CATSPERG: variants seen among roughly 807,000 people sequenced by gnomAD.
The protein encoded by CATSPERG is catsper channel auxiliary subunit gamma.
CATSPERG carries 115 observed loss-of-function variants against 145.0 expected under a neutral mutation model. The ratio of observed to expected loss-of-function variants is 0.79; its 90% CI spans 0.68 to 0.93. The LOEUF is 0.93. Among genes scored for constraint, CATSPERG ranks in the 40% least tolerant of loss-of-function variants. CATSPERG has a pLI of 0.00. For missense variants in CATSPERG, 1,296 were observed against 1,490.1 expected (o/e 0.87, Z 2.14); for synonymous variants, 588 against 589.0 (o/e 1.00, Z 0.02).
intron 8 of CATSPERG, among the ~76,000 whole-genome samples, chr19:38,352,791 G>C (rs764770078): frequency 1.3e-5 from 2 of 151,358 alleles, no homozygotes; most frequent in African/African-American, 2.4e-5. Flanking sequence ...CAGAGGGAGA[G>C]GGGCATGGCA....
chr19:38,366,172 G>C (rs1430511963), intron 22 of CATSPERG: 1 of 152,338 alleles, frequency 6.6e-6, no homozygotes, highest in East Asian at 1.9e-4. Context: ...GCCCGGGGCA[G>C]ACACTGAGGC....
intron 6 of CATSPERG, 67 bp downstream of exon 6, chr19:38,344,435 C>A: frequency 1.5e-6 from 2 of 1,378,414 alleles, no homozygotes; most frequent in South Asian, 2.5e-5. Context: ...GGTTACTTCC[C>A]AGACAAGCAG....
intron 23 of CATSPERG, 57 bp downstream of exon 23, chr19:38,367,369 T>G: frequency 6.3e-7 from 1 of 1,583,654 alleles, no homozygotes. Context: ...CCCACTACTT[T>G]GTGCTCTCCC....
rs554835553 is a variant in CATSPERG, at chr19:38,359,918, T to C, written c.1608+337T>C. ...GATCAGGGCTGCAATGGGGAAAATA[T>C]TACCTATGGAAGCAGGGGGACCTGG... is the stretch of plus-strand genomic sequence containing the variant. On this transcript the variant is annotated intron_variant, in intron 14 of 28. Coordinates refer to ENST00000409235, the MANE Select transcript of CATSPERG (RefSeq NM_021185.5). The C allele has an allele frequency of 3.7e-5, 38 of 1,034,256 alleles. No individual in the cohort carries two copies. The South Asian group carries it at 1.2e-3, about 31-fold the overall frequency. 64.1% of individuals were successfully genotyped at this position (1,034,256 alleles called of 1,614,324 possible).
chr19:38,337,473 T>C lies in CATSPERG; in HGVS notation c.239T>C (p.Met80Thr). 4.5e-6 allele frequency: 7 copies of C among 1,552,168 alleles called. No homozygotes were observed. The highest frequency in any genetic ancestry group is 4.4e-6 in the Non-Finnish European group (5 of 1,147,114). ...GACACAGTGAGCAGCTTGTTTCACA[T>C]GCTGGTGGACTCACCCATCGACCCG... ...PVDTVSSLFH[M>T]LVDSPIDPSE... Residue 80 changes from methionine to threonine, a missense_variant, in exon 2 of 29, where the codon ATG (methionine) becomes ACG (threonine). Met to Thr is a moderately conservative substitution (Grantham distance 81, BLOSUM62 -1). Transcript: ENST00000409235.
chr19:38,354,834 C>G lies in CATSPERG; in HGVS notation c.1122C>G (p.Phe374Leu). The G allele has an allele frequency of 6.2e-7, 1 of 1,613,966 alleles. No individual in the cohort carries two copies. The highest frequency in any genetic ancestry group is 1.1e-5 in the South Asian group (1 of 91,060). The change falls in exon 9 of 29, where the codon TTC becomes TTG. Residue 374 changes from phenylalanine (F) to leucine (L), a missense_variant. Phe to Leu is a conservative substitution (Grantham distance 22, BLOSUM62 0). Transcript: ENST00000409235. ...GCAAGCATGAGGGTTATGTACACTTCGGGACCATCAGAGGTAAGGGTGTGG... is the reference window on the plus strand; with the variant it reads ...GCAAGCATGAGGGTTATGTACACTTGGGGACCATCAGAGGTAAGGGTGTGG... ...TTGKHEGYVH[F>L]GTIRDGQVSF... is the part of the protein sequence containing the mutation.
chr19:38,353,628 C>T (rs552394703), intron 8 of CATSPERG, among the ~76,000 whole-genome samples: 5 of 141,818 alleles, frequency 3.5e-5, no homozygotes, highest in Admixed American at 3.1e-4. Flanking sequence ...ACCCGGGAGG[C>T]GGAGCTTGCA....
Position 38,360,583 on chromosome 19 carries a change from C to CCT in CATSPERG, c.1710_1711dup (p.Tyr571SerfsTer9). On this transcript the variant is annotated frameshift_variant, in exon 15 of 29. Transcript: ENST00000409235. LOFTEE classifies it high-confidence loss of function. ...ATCAGCTTAAAGCTGATGCAACAGT[C>CCT]CTCTCTCTACGCATCCAATGAGACC... The CCT allele has an allele frequency of 6.2e-7, 1 of 1,614,204 alleles. No individual in the cohort carries two copies. The highest frequency in any genetic ancestry group is 8.5e-7 in the Non-Finnish European group (1 of 1,180,034).
chr19:38,362,693 C>A lies in CATSPERG; in HGVS notation c.2357-21C>A, dbSNP rs1477084034. The A allele has an allele frequency of 7.4e-6, 12 of 1,612,936 alleles. No individual in the cohort carries two copies. The Admixed American group carries it at 1.3e-4, about 18-fold the overall frequency. On this transcript the variant is annotated intron_variant, in intron 19 of 28. Transcript: ENST00000409235. Reference sequence around the variant, plus strand: ...GCCTGTCTGTGAGGGAGGCCTTAACCCCGTTTACTGCCCGGAGCAGGCACC... The same window carrying A: ...GCCTGTCTGTGAGGGAGGCCTTAACACCGTTTACTGCCCGGAGCAGGCACC...
At chr19:38,349,001 T>G (rs1970089649) in intron 7 of CATSPERG, 1 of 152,188 alleles carries the variant, frequency 6.6e-6, no homozygotes, top group South Asian at 2.1e-4. Context: ...GGGTTTGTTT[T>G]TATTTCATGT....
intron 8 of CATSPERG, among the ~76,000 whole-genome samples, chr19:38,353,027 CAAAAAAAA>C (rs61080753): frequency 1.5e-4 from 9 of 61,564 alleles, no homozygotes; most frequent in South Asian, 4.9e-4. Context: ...GACCCTGTTT[CAAAAAAAA>C]AAAAAAAAAA....
rs778553056 is a variant in CATSPERG, at chr19:38,360,171, G to A, written c.1609-318G>A. Reference sequence around the variant, plus strand: ...AAAGAGTGAGAAGAAAAGAGGTCTCGGCTCTAGGAACCGTGGCTGTTAGGG... The same window carrying A: ...AAAGAGTGAGAAGAAAAGAGGTCTCAGCTCTAGGAACCGTGGCTGTTAGGG... On this transcript the variant is annotated intron_variant, in intron 14 of 28. Transcript: ENST00000409235. 1.2e-5 allele frequency: 12 copies of A among 985,246 alleles called. No homozygotes were observed. In the African/African-American group the frequency reaches 1.2e-4, roughly 10 times the overall value. The allele number at this position is 985,246 out of a possible 1,614,324, so 61.0% of individuals were successfully genotyped here. A position where few individuals can be genotyped will look rare whatever the true frequency, so the allele number is the denominator to read the frequency against.
intron 26 of CATSPERG, among the ~76,000 whole-genome samples, 169 bp from the exon 27 acceptor site, chr19:38,369,803 T>C (rs1176647621): frequency 6.6e-6 from 1 of 152,018 alleles, no homozygotes; most frequent in Non-Finnish European, 1.5e-5. Flanking sequence ...TGTGGCACAG[T>C]AGGCGTTCAG....
intron 3 of CATSPERG, among the ~76,000 whole-genome samples, chr19:38,338,211 C>A (rs983223895): frequency 6.6e-6 from 1 of 151,912 alleles, no homozygotes; most frequent in Admixed American, 6.6e-5. Context: ...TGCAGTGGCG[C>A]GATCTCGGCT....
chr19:38,338,341 G>T (rs1969879666), intron 3 of CATSPERG, among the ~76,000 whole-genome samples: 1 of 151,558 alleles, frequency 6.6e-6, no homozygotes. Context: ...GTAGAGATGG[G>T]GTTTCACCGG....
At chr19:38,356,007 T>C (rs1424246070) in intron 9 of CATSPERG, among the ~76,000 whole-genome samples, 1 of 152,174 alleles carries the variant, frequency 6.6e-6, no homozygotes, top group Non-Finnish European at 1.5e-5. Flanking sequence ...CGGGTTGATA[T>C]AAAGATTAAA....
chr19:38,361,912 G>C (rs1324846327), intron 17 of CATSPERG, 51 bp downstream of exon 17: 1 of 1,516,314 alleles, frequency 6.6e-7, no homozygotes, highest in South Asian at 1.2e-5. Context: ...TGGGGCAGCC[G>C]GGAGCTGGCT....
intron 22 of CATSPERG, chr19:38,365,382 T>A (rs962754191): frequency 1.8e-4 from 73 of 407,580 alleles, no homozygotes; most frequent in Middle Eastern, 1.4e-3. Context: ...GTGATTCTCC[T>A]GCCTCAGCCT....
In CATSPERG at chr19:38,336,679, C is replaced by G. The variant is rs181516851; in HGVS notation, c.-14-542C>G. On this transcript the variant is annotated intron_variant, in intron 1 of 28. Coordinates refer to ENST00000409235, the MANE Select transcript of CATSPERG (RefSeq NM_021185.5). ...GTTGGGGCACAGCCGGGTGGAAGTA[C>G]ACGGGTGCGATCGCAGGCAGAAGCA... is the stretch of plus-strand genomic sequence containing the variant. 1.1e-3 allele frequency: 258 copies of G among 240,094 alleles called. 1 individual carries two copies. The highest frequency in any genetic ancestry group is 1.9e-3 in the Non-Finnish European group (227 of 118,178). 14.9% of individuals were successfully genotyped at this position (240,094 alleles called of 1,614,324 possible).
Sources: allele counts gnomAD v4.1 joint callset (sites outside exome capture counted in the v4.1 genomes callset), GRCh38; gene constraint gnomAD v4.1.1; transcripts MANE v1.5; gene names NCBI Gene and HGNC (gene_info 2026-07-23, HGNC 2026-07-21).